MYO9A: variants seen among roughly 807,000 people sequenced by gnomAD.
MYO9A encodes the protein myosin IXA.
In MYO9A, 103 loss-of-function variants were observed where a neutral mutation model predicts 293.3. The ratio of observed to expected loss-of-function variants is 0.35; its 90% CI spans 0.30 to 0.41. The LOEUF (loss-of-function observed/expected upper bound fraction) is 0.41, where lower values mean the gene tolerates loss of function less well. Among genes scored for constraint, MYO9A ranks in the 10% least tolerant of loss-of-function variants. MYO9A has a pLI of 1.00. For synonymous variants in MYO9A, 1,001 were observed against 1,035.7 expected, an observed-to-expected ratio of 0.97 and a Z score of 0.64; for missense variants, 2,685 against 3,033.0, an observed-to-expected ratio of 0.89 and a Z score of 2.69.
intron 4 of MYO9A, among the ~76,000 whole-genome samples, chr15:72,026,979 C>T (rs1345581697): frequency 6.6e-6 from 1 of 152,272 alleles, no homozygotes; most frequent in East Asian, 1.9e-4. Context: ...AAAGTCAGAA[C>T]CAGATGGCTT....
At chr15:71,900,722 A>G (rs2057459231) in intron 23 of MYO9A, among the ~76,000 whole-genome samples, 1 of 152,230 alleles carries the variant, frequency 6.6e-6, no homozygotes, top group Non-Finnish European at 1.5e-5. Flanking sequence ...AGATGAAGAT[A>G]CTAAAGATTT....
At chr15:71,861,859 C>T (rs1596053572) in intron 33 of MYO9A, among the ~76,000 whole-genome samples, 2 of 152,102 alleles carry the variant, frequency 1.3e-5, no homozygotes, top group Non-Finnish European at 2.9e-5. Flanking sequence ...GAGGGGCGGG[C>T]GCAGTGGCTC....
intron 15 of MYO9A, among the ~76,000 whole-genome samples, chr15:71,939,183 G>A (rs1430663353): frequency 6.6e-6 from 1 of 152,028 alleles, no homozygotes; most frequent in Admixed American, 6.6e-5. Flanking sequence ...AAGGGTGACT[G>A]GACTGAAGGC....
intron 30 of MYO9A, among the ~76,000 whole-genome samples, 155 bp downstream of exon 30, chr15:71,879,566 A>C (rs947960138): frequency 5.9e-5 from 9 of 152,184 alleles, no homozygotes; most frequent in South Asian, 2.1e-4. Flanking sequence ...TATCCCTAAA[A>C]CAAAAACCAT....
chr15:72,006,794 G>A (rs2077030336), intron 8 of MYO9A, among the ~76,000 whole-genome samples: 1 of 152,198 alleles, frequency 6.6e-6, no homozygotes, highest in Non-Finnish European at 1.5e-5. Flanking sequence ...AGGAAAAGGT[G>A]CTGTTCTAAG....
At chr15:71,927,646 C>G (rs887486989) in intron 18 of MYO9A, among the ~76,000 whole-genome samples, 1 of 151,996 alleles carries the variant, frequency 6.6e-6, no homozygotes, top group East Asian at 1.9e-4. Context: ...CACATTTGGT[C>G]ACAGATGTAG....
chr15:72,029,393 T>C (rs543758570), intron 3 of MYO9A, among the ~76,000 whole-genome samples: 1 of 152,358 alleles, frequency 6.6e-6, no homozygotes, highest in Admixed American at 6.5e-5. Context: ...CCTTATCTTA[T>C]AGCCTATTGC....
chr15:71,971,094 G>C (rs1224138034), intron 12 of MYO9A, among the ~76,000 whole-genome samples: 3 of 151,846 alleles, frequency 2.0e-5, no homozygotes, highest in Non-Finnish European at 4.4e-5. Context: ...CCGGGAAGCA[G>C]AGCTTGCAGT....
chr15:72,100,210 T>C (rs1596569720), intron 1 of MYO9A, among the ~76,000 whole-genome samples: 1 of 151,842 alleles, frequency 6.6e-6, no homozygotes, highest in East Asian at 1.9e-4. Flanking sequence ...TGGTGAAACC[T>C]GTCTCTACAA....
At chr15:72,055,788 C>T (rs1174066444) in intron 1 of MYO9A, among the ~76,000 whole-genome samples, 1 of 151,666 alleles carries the variant, frequency 6.6e-6, no homozygotes, top group African/African-American at 2.4e-5. Context: ...GCAAGAATGG[C>T]CATAAAAAAA....
chr15:72,026,100 C>T (rs1329043643), intron 4 of MYO9A, among the ~76,000 whole-genome samples: 1 of 151,424 alleles, frequency 6.6e-6, no homozygotes, highest in African/African-American at 2.4e-5. Flanking sequence ...GGTGAAACCC[C>T]GCCCCTACTA....
At chr15:72,072,277 G>A (rs1280619859) in intron 1 of MYO9A, among the ~76,000 whole-genome samples, 3 of 151,702 alleles carry the variant, frequency 2.0e-5, no homozygotes, top group African/African-American at 4.8e-5. Context: ...GACTACAGGC[G>A]CCCGCCACCA....
At chr15:72,083,781 G>A (rs546413392) in intron 1 of MYO9A, among the ~76,000 whole-genome samples, 49 of 152,252 alleles carry the variant, frequency 3.2e-4, no homozygotes, top group African/African-American at 1.2e-3. Flanking sequence ...GAAGAAGGTT[G>A]TTTAATTTCC....
chr15:72,040,576 T>G (rs2929517), intron 2 of MYO9A, among the ~76,000 whole-genome samples: 82,634 of 152,078 alleles, frequency 0.54, 27,631 homozygotes, highest in Non-Finnish European at 0.73. Flanking sequence ...TAATCTTTCC[T>G]GGTCGTGTGA....
chr15:71,837,484 A>G (rs2054989887), intron 39 of MYO9A, among the ~76,000 whole-genome samples: 2 of 152,146 alleles, frequency 1.3e-5, no homozygotes, highest in Non-Finnish European at 1.5e-5. Context: ...ATATGATTTA[A>G]AAGCCTCAAG....
At chr15:72,023,354 C>T (rs1035328523) in intron 4 of MYO9A, among the ~76,000 whole-genome samples, 2 of 152,124 alleles carry the variant, frequency 1.3e-5, no homozygotes, top group Non-Finnish European at 1.5e-5. Flanking sequence ...GGCACGGTGG[C>T]TCACACCTAT....
intron 29 of MYO9A, among the ~76,000 whole-genome samples, 171 bp from the exon 30 acceptor site, chr15:71,880,008 C>G (rs2056824644): frequency 1.3e-5 from 2 of 152,188 alleles, no homozygotes; most frequent in African/African-American, 4.8e-5. Flanking sequence ...ATAATTACTA[C>G]TCTATGATTT....
At chr15:72,027,433 G>T (rs2077707136) in intron 4 of MYO9A, among the ~76,000 whole-genome samples, 1 of 152,024 alleles carries the variant, frequency 6.6e-6, no homozygotes, top group Middle Eastern at 3.2e-3. Context: ...GTTAGAAAAA[G>T]AACACTAAGG....
In MYO9A at chr15:72,095,608, A is replaced by G. The variant is rs2080038725; in HGVS notation, c.-72+22072T>C. Among the ~76,000 whole-genome samples, 2 of 93,236 alleles carry G rather than the reference A, an allele frequency of 2.1e-5. 1 individual carries two copies. Among genetic ancestry groups the G allele is most frequent in the African/African-American group, 5.1e-5 (2 of 39,246 alleles). 61.2% of individuals were successfully genotyped at this position (93,236 alleles called of 152,430 possible). ...TAAACAACAGATTTTTAATGTGACAAAACGGCCTTGTGTTGGAAAAATATG... is the reference window on the plus strand; with the variant it reads ...TAAACAACAGATTTTTAATGTGACAGAACGGCCTTGTGTTGGAAAAATATG... On this transcript the variant is annotated intron_variant, in intron 1 of 41. Transcript: ENST00000356056.
Sources: allele counts gnomAD v4.1 joint callset (sites outside exome capture counted in the v4.1 genomes callset), GRCh38; gene constraint gnomAD v4.1.1; transcripts MANE v1.5; gene names NCBI Gene and HGNC (gene_info 2026-07-23, HGNC 2026-07-21).